Variants in CTNNA3 observed in about 807,000 individuals in gnomAD.
CTNNA3 encodes the protein catenin alpha-3.
A neutral mutation model predicts 95.7 loss-of-function variants in CTNNA3; 76 were observed. That is an observed-to-expected ratio of 0.79 (90% confidence interval 0.66 to 0.96). The LOEUF (loss-of-function observed/expected upper bound fraction) is 0.96. Among genes scored for constraint, CTNNA3 ranks in the 40% least tolerant of loss-of-function variants. The pLI is 0.00. For synonymous variants in CTNNA3, 431 were observed against 374.4 expected (o/e 1.15, Z -1.74); for missense variants, 1,191 against 1,089.8 (o/e 1.09, Z -1.31).
intron 2 of CTNNA3, among the ~76,000 whole-genome samples, chr10:67,609,108 A>AC (rs1843374510): frequency 1.3e-5 from 2 of 151,856 alleles, no homozygotes; most frequent in African/African-American, 2.4e-5. Context: ...AAAAAAAAAA[A>AC]AACAACCCAT....
chr10:67,350,317 A>T (rs933662444), intron 5 of CTNNA3, among the ~76,000 whole-genome samples: 1 of 152,026 alleles, frequency 6.6e-6, no homozygotes, highest in African/African-American at 2.4e-5. Context: ...CCATTATAGA[A>T]AGACTGGATT....
At chr10:67,538,845 A>G (rs1318495499) in intron 4 of CTNNA3, among the ~76,000 whole-genome samples, 1 of 152,180 alleles carries the variant, frequency 6.6e-6, no homozygotes, top group Non-Finnish European at 1.5e-5. Flanking sequence ...GAACACTACT[A>G]ATGATTTGGT....
intron 13 of CTNNA3, among the ~76,000 whole-genome samples, chr10:66,244,816 C>T (rs1414999039): frequency 1.3e-5 from 2 of 152,210 alleles, no homozygotes; most frequent in Non-Finnish European, 2.9e-5. Flanking sequence ...ATACCTAACT[C>T]TTAAATGCCC....
chr10:66,652,210 C>T lies in CTNNA3; in HGVS notation c.1282-30426G>A, dbSNP rs577958470. Among the ~76,000 whole-genome samples, 16 of 146,154 alleles carry T rather than the reference C, an allele frequency of 1.1e-4. 2 individuals are homozygous for T. The highest frequency in any genetic ancestry group is 4.0e-4 in the African/African-American group (16 of 40,024). On this transcript the variant is annotated intron_variant, in intron 9 of 17. Coordinates refer to ENST00000433211, the MANE Select transcript of CTNNA3 (RefSeq NM_013266.4). The stretch of plus-strand genomic sequence containing the variant: ...ACTGAGAAAATGATAGAAAAAAAAT[C>T]AACAAAAGTGGCTTTTTGGAAGTTA...
chr10:66,234,656 A>G (rs2089762256), intron 13 of CTNNA3, among the ~76,000 whole-genome samples: 1 of 152,196 alleles, frequency 6.6e-6, no homozygotes, highest in Non-Finnish European at 1.5e-5. Context: ...AGGCAGGTGA[A>G]AAGTATCATG....
In CTNNA3 at chr10:66,927,979, G is replaced by T. The variant is rs1441518688; in HGVS notation, c.1048-152455C>A. 8 of 1,614,128 alleles carry T rather than the reference G, an allele frequency of 5.0e-6. No individual in the cohort carries two copies. Among genetic ancestry groups the T allele is most frequent in the Non-Finnish European group, 6.8e-6 (8 of 1,180,060 alleles). Reference sequence around the variant, plus strand: ...GCAAGGAGTAAATGTGATCGATGCAGTGAAGAACTACAGCATCTGTGGCAA... The same window carrying T: ...GCAAGGAGTAAATGTGATCGATGCATTGAAGAACTACAGCATCTGTGGCAA... On this transcript the variant is annotated intron_variant, in intron 7 of 17. Coordinates refer to ENST00000433211, the MANE Select transcript of CTNNA3 (RefSeq NM_013266.4). The surrounding 1 kb of genome is among the most constrained non-coding windows in gnomAD (Gnocchi z 4.7).
chr10:67,696,074 T>TG lies in CTNNA3; in HGVS notation c.-81dup, dbSNP rs923784324. 2 of 151,846 alleles carry TG rather than the reference T, an allele frequency of 1.3e-5. No individual in the cohort carries two copies. Among genetic ancestry groups the TG allele is most frequent in the African/African-American group, 4.8e-5 (2 of 41,338 alleles). The allele number at this position is 151,846 out of a possible 1,614,324, so 9.4% of individuals were successfully genotyped here. A position where few individuals can be genotyped will look rare whatever the true frequency, so the allele number is the denominator to read the frequency against. ...AGGGAATTTTCCAAAAAGAGCTTTG[T>TG]GGGGGACGGAAAAAGGCTTCTTGGT... is the stretch of plus-strand genomic sequence containing the variant. On this transcript the variant is annotated 5_prime_UTR_variant, in exon 1 of 18. Coordinates refer to ENST00000433211, the MANE Select transcript of CTNNA3 (RefSeq NM_013266.4).
At chr10:67,423,978 T>G (rs1336970833) in intron 5 of CTNNA3, among the ~76,000 whole-genome samples, 1 of 152,194 alleles carries the variant, frequency 6.6e-6, no homozygotes, top group Non-Finnish European at 1.5e-5. Flanking sequence ...TTTCTGGATC[T>G]TCTTATTATG....
chr10:67,161,286 ACTT>A (rs1861535340), intron 7 of CTNNA3, among the ~76,000 whole-genome samples: 1 of 152,012 alleles, frequency 6.6e-6, no homozygotes, highest in African/African-American at 2.4e-5. Context: ...ATAAAAATAC[ACTT>A]CTTTCTTCAG....
intron 13 of CTNNA3, among the ~76,000 whole-genome samples, chr10:66,165,926 C>A (rs1448069124): frequency 6.6e-6 from 1 of 151,904 alleles, no homozygotes; most frequent in Non-Finnish European, 1.5e-5. Flanking sequence ...TGCCACCACA[C>A]CTGGCTAATT....
In CTNNA3 at chr10:67,170,990, AATG is replaced by A. The variant is rs138720141; in HGVS notation, c.1047+9324_1047+9326del. On this transcript the variant is annotated intron_variant, in intron 7 of 17. Coordinates refer to ENST00000433211, the MANE Select transcript of CTNNA3 (RefSeq NM_013266.4). ...GATGTTTATATTGATTGCATATTGA[AATG>A]ATGATATTTTGCATACACTGACTTA... Among the ~76,000 whole-genome samples, 50 of 152,316 alleles carry A rather than the reference AATG, an allele frequency of 3.3e-4. No individual in the cohort carries two copies. The East Asian group carries it at 8.7e-3, about 26-fold the overall frequency.
chr10:66,198,159 T>A (rs1452024662), intron 13 of CTNNA3, among the ~76,000 whole-genome samples: 1 of 152,220 alleles, frequency 6.6e-6, no homozygotes, highest in Admixed American at 6.5e-5. Context: ...TTTCTCTCTG[T>A]GTGGGGATTG....
intron 1 of CTNNA3, among the ~76,000 whole-genome samples, chr10:67,684,780 G>A (rs1007435484): frequency 5.3e-5 from 8 of 152,280 alleles, no homozygotes; most frequent in Middle Eastern, 3.4e-3. Flanking sequence ...CAAATTTGAC[G>A]AAGAGGTTAA....
chr10:66,599,162 T>C (rs1843828879), intron 10 of CTNNA3, among the ~76,000 whole-genome samples: 2 of 152,014 alleles, frequency 1.3e-5, no homozygotes, highest in Admixed American at 6.6e-5. Context: ...AAATCATACT[T>C]TTGTTCAGGC....
intron 7 of CTNNA3, among the ~76,000 whole-genome samples, chr10:67,048,440 TG>T (rs992764994): frequency 6.6e-6 from 1 of 152,084 alleles, no homozygotes; most frequent in Non-Finnish European, 1.5e-5. Flanking sequence ...TAAAGAATGA[TG>T]ATTTTCATTC....
At chr10:67,418,294 T>C (rs1417558232) in intron 5 of CTNNA3, among the ~76,000 whole-genome samples, 1 of 152,126 alleles carries the variant, frequency 6.6e-6, no homozygotes, top group Admixed American at 6.5e-5. Flanking sequence ...TAAGAAATAG[T>C]ATGAAGTTTT....
At chr10:67,405,949 T>C (rs1015102831) in intron 5 of CTNNA3, among the ~76,000 whole-genome samples, 2 of 152,160 alleles carry the variant, frequency 1.3e-5, no homozygotes, top group Non-Finnish European at 2.9e-5. Flanking sequence ...CAAAATCTCC[T>C]CTTGAATTGT....
At chr10:66,354,521 C>T (rs1326637149) in intron 12 of CTNNA3, among the ~76,000 whole-genome samples, 1 of 151,930 alleles carries the variant, frequency 6.6e-6, no homozygotes, top group Non-Finnish European at 1.5e-5. Flanking sequence ...CTCAAAGGAA[C>T]CTGAGTTTGA....
At position 65,948,670 on chromosome 10, in the gene CTNNA3, G is replaced by C. The variant is rs193229263; in HGVS notation, c.2400+17942C>G. On this transcript the variant is annotated intron_variant, in intron 17 of 17. Coordinates refer to ENST00000433211, the MANE Select transcript of CTNNA3 (RefSeq NM_013266.4). ...AATGTAACTTCAGGTTTTATTGAGG[G>C]TCAATGAAGAAATGTCTATTTGAAC... Among the ~76,000 whole-genome samples, 436 of 152,202 alleles carry C rather than the reference G, an allele frequency of 2.9e-3. 3 individuals carry two copies. The highest frequency in any genetic ancestry group is 9.2e-3 in the African/African-American group (382 of 41,556).
Sources: gnomAD v4.1 joint callset for allele counts (sites outside exome capture counted in the v4.1 genomes callset) on GRCh38, gnomAD v4.1.1 for gene constraint, Gnocchi (gnomAD v3.1) non-coding constraint, MANE v1.5 for transcripts, NCBI Gene and HGNC (gene_info 2026-07-23, HGNC 2026-07-21) for gene names.